The following GALNT14 variants were observed in gnomAD, a reference collection of about 807,000 sequenced individuals.
GALNT14 encodes polypeptide N-acetylgalactosaminyltransferase 14.
GALNT14 carries 60 observed loss-of-function variants against 77.5 expected under a neutral mutation model. That is an observed-to-expected ratio of 0.77 (90% CI 0.63 to 0.96). The LOEUF (loss-of-function observed/expected upper bound fraction) is 0.96, where lower values mean the gene tolerates loss of function less well. Among genes scored for constraint, GALNT14 ranks in the 40% least tolerant of loss-of-function variants. The probability of loss-of-function intolerance (pLI) is 0.00; values close to 1 mark genes in which losing one functional copy is unlikely to be tolerated. For synonymous variants in GALNT14, 280 were observed against 281.7 expected (o/e 0.99, Z 0.06); for missense variants, 710 against 731.0 (o/e 0.97, Z 0.33).
intron 1 of GALNT14, among the ~76,000 whole-genome samples, chr2:31,034,882 T>C (rs1342716708): frequency 6.6e-6 from 1 of 152,242 alleles, no homozygotes; most frequent in African/African-American, 2.4e-5. Flanking sequence ...TGTCACTTAC[T>C]TTCCACATAT....
rs145690884 is a variant in GALNT14, at chr2:30,982,221, T to C, written c.299+10617A>G. Among the ~76,000 whole-genome samples, 19 of 152,132 alleles carry C rather than the reference T, an allele frequency of 1.2e-4. No homozygotes were observed. The East Asian group carries it at 3.1e-3, about 25-fold the overall frequency. On this transcript the variant is annotated intron_variant, in intron 2 of 14. Coordinates refer to ENST00000349752, the MANE Select transcript of GALNT14 (RefSeq NM_024572.4). ...AGGCAAAAATGAAACAGACAGACAA[T>C]AGCAAGTGATTGATAATGAGGACTT...
At chr2:31,027,439 A>C (rs1157821770) in intron 1 of GALNT14, among the ~76,000 whole-genome samples, 1 of 151,986 alleles carries the variant, frequency 6.6e-6, no homozygotes, top group Non-Finnish European at 1.5e-5. Context: ...AAAAAAAAAA[A>C]AAAAACAGTC....
chr2:31,090,815 G>A (rs113088583), intron 1 of GALNT14, among the ~76,000 whole-genome samples: 1,729 of 152,076 alleles, frequency 0.011, 14 homozygotes, highest in South Asian at 0.028. Flanking sequence ...CATCTTTAAG[G>A]GACTTTTTCC....
intron 6 of GALNT14, among the ~76,000 whole-genome samples, chr2:30,949,841 T>C (rs1666919727): frequency 6.6e-6 from 1 of 152,110 alleles, no homozygotes. Flanking sequence ...ATGGTTCTGA[T>C]GTGGGTATAG....
At chr2:31,034,212 G>C (rs1456418211) in intron 1 of GALNT14, among the ~76,000 whole-genome samples, 1 of 152,132 alleles carries the variant, frequency 6.6e-6, no homozygotes, top group East Asian at 1.9e-4. Flanking sequence ...CACCAACCCT[G>C]ACCCTCTACG....
At chr2:31,005,702 C>A (rs1020190400) in intron 1 of GALNT14, among the ~76,000 whole-genome samples, 1 of 152,186 alleles carries the variant, frequency 6.6e-6, no homozygotes, top group African/African-American at 2.4e-5. Flanking sequence ...GGTGCCTCAC[C>A]TCACTGTCCG....
chr2:31,036,827 G>A (rs1672763555), intron 1 of GALNT14, among the ~76,000 whole-genome samples: 2 of 152,148 alleles, frequency 1.3e-5, no homozygotes, highest in Non-Finnish European at 2.9e-5. Context: ...AAATAACACT[G>A]CTTTCTGGCC....
At chr2:31,047,862 C>A (rs1673571421) in intron 1 of GALNT14, among the ~76,000 whole-genome samples, 1 of 152,212 alleles carries the variant, frequency 6.6e-6, no homozygotes, top group Non-Finnish European at 1.5e-5. Context: ...TTCCCAGCCA[C>A]AACCACAAAG....
chr2:31,011,399 G>A (rs1671021414), intron 1 of GALNT14, among the ~76,000 whole-genome samples: 1 of 152,046 alleles, frequency 6.6e-6, no homozygotes, highest in African/African-American at 2.4e-5. Context: ...TGAATCCTCG[G>A]GTAAACCATT....
chr2:30,911,026 T>C lies in GALNT14; in HGVS notation c.1534A>G (p.Ile512Val), dbSNP rs372565159. The change falls in exon 15 of 15, where the codon ATA becomes GTA. Residue 512 changes from isoleucine (I) to valine (V), a missense_variant. Coordinates refer to ENST00000349752, the MANE Select transcript of GALNT14 (RefSeq NM_024572.4). Reference protein sequence around the residue: ...WTKTGSHIEHIASHLCLDTDM... With the variant: ...WTKTGSHIEHVASHLCLDTDM... ...GTATCGAGGCAGAGGTGGGATGCTATGTGCTCGATGTGGGAACCAGTTTTG... is the reference window on the plus strand; with the variant it reads ...GTATCGAGGCAGAGGTGGGATGCTACGTGCTCGATGTGGGAACCAGTTTTG... 6.2e-7 allele frequency: 1 copy of C among 1,614,042 alleles called. No individual in the cohort carries two copies. The highest frequency in any genetic ancestry group is 8.5e-7 in the Non-Finnish European group (1 of 1,180,004).
chr2:30,965,565 G>C (rs1407606497), intron 3 of GALNT14, among the ~76,000 whole-genome samples: 2 of 152,256 alleles, frequency 1.3e-5, no homozygotes, highest in East Asian at 3.9e-4. Flanking sequence ...AGTTCTGCTA[G>C]GGACTGGCAC....
the GALNT14 span, among the ~76,000 whole-genome samples, chr2:30,904,622 C>T: frequency 4.8e-4 from 73 of 152,296 alleles, no homozygotes; most frequent in Middle Eastern, 0.014. Context: ...AAGGCAGCAG[C>T]GAGGCTGGGG....
intron 1 of GALNT14, among the ~76,000 whole-genome samples, chr2:31,001,195 T>A (rs574817365): frequency 4.6e-5 from 7 of 152,256 alleles, no homozygotes; most frequent in African/African-American, 1.7e-4. Flanking sequence ...TGGAAGCTTC[T>A]GTTATCTAGC....
At chr2:31,018,186 C>T (rs1671497160) in intron 1 of GALNT14, among the ~76,000 whole-genome samples, 1 of 152,234 alleles carries the variant, frequency 6.6e-6, no homozygotes, top group African/African-American at 2.4e-5. Flanking sequence ...GGCAGCAGGG[C>T]CCTCCAGGTA....
chr2:30,898,886 A>C, the GALNT14 span, among the ~76,000 whole-genome samples: 1 of 152,194 alleles, frequency 6.6e-6, no homozygotes, highest in South Asian at 2.1e-4. Context: ...AAACTCTTCC[A>C]CTATTGGAGA....
At chr2:30,920,871 AG>A (rs745582145) in intron 13 of GALNT14, among the ~76,000 whole-genome samples, 8 of 152,186 alleles carry the variant, frequency 5.3e-5, no homozygotes, top group African/African-American at 1.9e-4. Flanking sequence ...CAGTCTGTGA[AG>A]TGGACTGAGC....
rs559798439 is a variant in GALNT14 at position 31,022,596 on chromosome 2, G to A, written c.130-29589C>T. On this transcript the variant is annotated intron_variant, in intron 1 of 14. Transcript: ENST00000349752. ...TAGCACATGTGTATGTGGAGCTAAGGGGGTGCTTCAGGGGGCCCAAGACTG... is the reference window on the plus strand; with the variant it reads ...TAGCACATGTGTATGTGGAGCTAAGAGGGTGCTTCAGGGGGCCCAAGACTG... Among the ~76,000 whole-genome samples, 3 of 152,210 alleles carry A rather than the reference G, an allele frequency of 2.0e-5. No individual in the cohort carries two copies. The South Asian group carries it at 6.2e-4, about 32-fold the overall frequency.
intron 12 of GALNT14, 52 bp downstream of exon 12, chr2:30,924,688 C>G: frequency 6.6e-7 from 1 of 1,509,338 alleles, no homozygotes; most frequent in African/African-American, 1.4e-5. Context: ...ACCAAGCCAG[C>G]TGAGGGCCTC....
chr2:30,975,842 A>C (rs1448663194), intron 2 of GALNT14, among the ~76,000 whole-genome samples: 1 of 152,246 alleles, frequency 6.6e-6, no homozygotes, highest in African/African-American at 2.4e-5. Flanking sequence ...ATGTATTTTT[A>C]AAATCCCATC....
Sources: gnomAD v4.1 joint callset for allele counts (sites outside exome capture counted in the v4.1 genomes callset) on GRCh38, gnomAD v4.1.1 for gene constraint, MANE v1.5 for transcripts, NCBI Gene and HGNC (gene_info 2026-07-23, HGNC 2026-07-21) for gene names.